The following DENND4A variants were observed in gnomAD, a reference collection of about 807,000 sequenced individuals.
DENND4A encodes the protein C-myc promoter-binding protein.
A neutral mutation model predicts 199.3 loss-of-function variants in DENND4A; 70 were observed. The observed-to-expected ratio is 0.35, with a 90% confidence interval of 0.29 to 0.43. The LOEUF (loss-of-function observed/expected upper bound fraction) is 0.43. Ranked by LOEUF, DENND4A falls within the 20% of genes least tolerant of loss-of-function variation. The probability of loss-of-function intolerance (pLI) is 1.00; values close to 1 mark genes in which losing one functional copy is unlikely to be tolerated. For missense variants in DENND4A, 1,723 were observed against 2,255.8 expected (o/e 0.76, Z 4.78); for synonymous variants, 686 against 766.9 (o/e 0.89, Z 1.74).
chr15:65,682,934 A>G (rs919807549), intron 23 of DENND4A, among the ~76,000 whole-genome samples: 2 of 152,334 alleles, frequency 1.3e-5, no homozygotes, highest in African/African-American at 4.8e-5. Context: ...ACCATCTTAT[A>G]TGGGAACAGT....
intron 14 of DENND4A, among the ~76,000 whole-genome samples, chr15:65,713,136 G>A (rs191407789): frequency 5.9e-5 from 9 of 152,188 alleles, no homozygotes; most frequent in African/African-American, 1.7e-4. Flanking sequence ...AAGTTTTGTC[G>A]ATTAACCTAA....
intron 4 of DENND4A, among the ~76,000 whole-genome samples, chr15:65,751,156 G>A (rs1261976409): frequency 6.6e-6 from 1 of 152,166 alleles, no homozygotes; most frequent in Non-Finnish European, 1.5e-5. Context: ...ATCCCATTAA[G>A]AGACAATTAT....
chr15:65,687,569 T>A (rs533975753), intron 23 of DENND4A, among the ~76,000 whole-genome samples: 1 of 152,210 alleles, frequency 6.6e-6, no homozygotes, highest in Non-Finnish European at 1.5e-5. Flanking sequence ...CCATTGCTCA[T>A]GAATTATTTT....
chr15:65,696,592 G>C, intron 21 of DENND4A, 95 bp from the exon 22 acceptor site: 1 of 826,840 alleles, frequency 1.2e-6, no homozygotes, highest in Non-Finnish European at 1.8e-6. Flanking sequence ...ATTTTTACTT[G>C]AAAATAGGTG....
At chr15:65,716,506 T>G (rs2075407298) in intron 13 of DENND4A, among the ~76,000 whole-genome samples, 2 of 151,550 alleles carry the variant, frequency 1.3e-5, no homozygotes, top group South Asian at 4.2e-4. Flanking sequence ...TTTGGTTTTT[T>G]GTCCTTGCAA....
At chr15:65,710,659 T>C (rs1208210570) in intron 14 of DENND4A, among the ~76,000 whole-genome samples, 1 of 152,256 alleles carries the variant, frequency 6.6e-6, no homozygotes, top group Middle Eastern at 3.2e-3. Context: ...TTCTATTTAT[T>C]GCCAATATTT....
At chr15:65,696,582 AT>A in intron 21 of DENND4A, 85 bp from the exon 22 acceptor site, 2 of 991,968 alleles carry the variant, frequency 2.0e-6, no homozygotes, top group Non-Finnish European at 1.4e-6. Context: ...AGTTCTACAT[AT>A]TTTTACTTGA....
At chr15:65,778,522 T>A (rs2077344628) in intron 1 of DENND4A, among the ~76,000 whole-genome samples, 1 of 150,194 alleles carries the variant, frequency 6.7e-6, no homozygotes, top group South Asian at 2.1e-4. Context: ...ATACTACAGG[T>A]TAGGTTCCAC....
intron 7 of DENND4A, 73 bp downstream of exon 7, chr15:65,737,634 C>A: frequency 6.9e-7 from 1 of 1,439,688 alleles, no homozygotes; most frequent in South Asian, 1.4e-5. Flanking sequence ...ATAAAATTTA[C>A]CCAGTTGCCG....
chr15:65,664,272 C>T (rs1169094559), intron 32 of DENND4A, 58 bp downstream of exon 32: 2 of 968,240 alleles, frequency 2.1e-6, no homozygotes, highest in Non-Finnish European at 3.1e-6. Context: ...TATAAAAATA[C>T]TTTGAAAACT....
At chr15:65,716,523 A>G (rs2075408455) in intron 13 of DENND4A, among the ~76,000 whole-genome samples, 3 of 151,078 alleles carry the variant, frequency 2.0e-5, no homozygotes, top group African/African-American at 7.3e-5. Flanking sequence ...GCAACAGTTT[A>G]CTGAGAATGA....
chr15:65,689,150 A>C (rs951001774), intron 23 of DENND4A, among the ~76,000 whole-genome samples: 4 of 152,026 alleles, frequency 2.6e-5, no homozygotes, highest in African/African-American at 9.7e-5. Context: ...TTTCATTTTC[A>C]GTTCTAAAAT....
At chr15:65,705,633 G>T (rs903532776) in intron 15 of DENND4A, among the ~76,000 whole-genome samples, 45 of 152,120 alleles carry the variant, frequency 3.0e-4, no homozygotes, top group African/African-American at 9.4e-4. Flanking sequence ...AAAAAAATTA[G>T]TAACTTAAAA....
At chr15:65,790,054 C>T (rs969341846) in intron 1 of DENND4A, among the ~76,000 whole-genome samples, 4 of 152,142 alleles carry the variant, frequency 2.6e-5, no homozygotes, top group Non-Finnish European at 2.9e-5. Flanking sequence ...TTTTATTTTA[C>T]AATTCTATTA....
chr15:65,753,147 A>AT (rs1269456142), intron 3 of DENND4A, among the ~76,000 whole-genome samples: 1 of 152,048 alleles, frequency 6.6e-6, no homozygotes, highest in Non-Finnish European at 1.5e-5. Flanking sequence ...CTAGGCTTTT[A>AT]TTTTCTCTTT....
intron 4 of DENND4A, among the ~76,000 whole-genome samples, chr15:65,744,769 T>C (rs1309624522): frequency 6.6e-6 from 1 of 152,184 alleles, no homozygotes; most frequent in Non-Finnish European, 1.5e-5. Context: ...ACAGAAGCCT[T>C]TTTGTTGGCT....
At position 65,756,148 on chromosome 15, in the gene DENND4A, T is replaced by G; in HGVS notation, c.303A>C (p.Thr101=). Residue 101 remains threonine, a synonymous_variant, in exon 3 of 33, where the codon ACA becomes ACC. Coordinates refer to ENST00000443035, the MANE Select transcript of DENND4A (RefSeq NM_001320835.1). ...TTTAAAAAAATACTTACCCCAGATC[T>G]GTAAGTGGAGGCTTATCTCTTCCTC... is the stretch of plus-strand genomic sequence containing the variant. ...YRRGRDKPPL[T]DLGVLYDWKE... is the part of the protein sequence containing the mutation. 6.2e-7 allele frequency: 1 copy of G among 1,604,716 alleles called. No homozygotes were observed. The highest frequency in any genetic ancestry group is 8.5e-7 in the Non-Finnish European group (1 of 1,175,662).
chr15:65,700,710 G>A lies in DENND4A; in HGVS notation c.2702-35C>T, dbSNP rs111881159. The A allele has an allele frequency of 2.2e-4, 327 of 1,501,858 alleles. 1 individual carries two copies. In the African/African-American group the frequency reaches 3.7e-3, roughly 17 times the overall value. The allele number at this position is 1,501,858 out of a possible 1,614,324, so 93.0% of individuals were successfully genotyped here. A position where few individuals can be genotyped will look rare whatever the true frequency, so the allele number is the denominator to read the frequency against. On this transcript the variant is annotated intron_variant, in intron 19 of 32. Coordinates refer to ENST00000443035, the MANE Select transcript of DENND4A (RefSeq NM_001320835.1). ...ACAATTTGACAGCATTTTACTACTC[G>A]AAGAGGTAAATACACATTAATTTGT...
intron 15 of DENND4A, among the ~76,000 whole-genome samples, chr15:65,704,078 T>C (rs1596476986): frequency 6.6e-6 from 1 of 152,202 alleles, no homozygotes; most frequent in African/African-American, 2.4e-5. Context: ...AATGATTCAA[T>C]GTTGAGTAGG....
Sources: allele counts gnomAD v4.1 joint callset (sites outside exome capture counted in the v4.1 genomes callset), GRCh38; gene constraint gnomAD v4.1.1; transcripts MANE v1.5; gene names NCBI Gene and HGNC (gene_info 2026-07-23, HGNC 2026-07-21).